The following EYS variants were observed in gnomAD, a reference collection of about 807,000 sequenced individuals.
EYS encodes EGF-like photoreceptor maintenance factor.
In EYS, 250 loss-of-function variants were observed where a neutral mutation model predicts 282.1. The ratio of observed to expected loss-of-function variants is 0.89; its 90% CI spans 0.80 to 0.98. The LOEUF (loss-of-function observed/expected upper bound fraction) is 0.98. Among genes scored for constraint, EYS ranks in the 50% least tolerant of loss-of-function variants. EYS has a pLI of 0.00. For missense variants in EYS, 4,016 were observed against 3,709.0 expected (o/e 1.08, Z -2.15); for synonymous variants, 1,355 against 1,282.9 (o/e 1.06, Z -1.20).
At chr6:65,425,190 A>C (rs1767613314) in intron 5 of EYS, among the ~76,000 whole-genome samples, 1 of 152,098 alleles carries the variant, frequency 6.6e-6, no homozygotes, top group South Asian at 2.1e-4. Flanking sequence ...ATTTTTGTAT[A>C]TGAATAATGA....
chr6:64,329,799 G>A (rs1281306976), intron 29 of EYS, among the ~76,000 whole-genome samples: 3 of 152,100 alleles, frequency 2.0e-5, no homozygotes, highest in Non-Finnish European at 4.4e-5. Context: ...GGATTTATGG[G>A]CAGTAAATAA....
chr6:65,288,161 T>C (rs1768422136), intron 12 of EYS, among the ~76,000 whole-genome samples: 1 of 151,060 alleles, frequency 6.6e-6, no homozygotes, highest in Non-Finnish European at 1.5e-5. Context: ...CTATTTCCTG[T>C]TTTTCAGAAT....
rs114376809 is a variant in EYS, at chr6:65,637,992, G to T, written c.-333+1786C>A. On this transcript the variant is annotated intron_variant, in intron 2 of 42. Transcript: ENST00000503581. Reference sequence around the variant, plus strand: ...TCAAGGCAGGGATGGCCTGAAGCCTGGGGGCCGGGTTGTCAGTTCCAGCTG... The same window carrying T: ...TCAAGGCAGGGATGGCCTGAAGCCTTGGGGCCGGGTTGTCAGTTCCAGCTG... 3.2e-3 allele frequency among the ~76,000 whole-genome samples: 481 copies of T among 152,310 alleles called. 4 individuals are homozygous for T. The highest frequency in any genetic ancestry group is 0.011 in the African/African-American group (451 of 41,580).
intron 22 of EYS, among the ~76,000 whole-genome samples, chr6:64,772,771 T>C (rs1459896566): frequency 6.6e-6 from 1 of 151,900 alleles, no homozygotes; most frequent in East Asian, 1.9e-4. Context: ...AAATTTGTCT[T>C]TCTTTGCCTG....
chr6:64,678,751 G>A (rs954830018), intron 22 of EYS, among the ~76,000 whole-genome samples: 24 of 151,914 alleles, frequency 1.6e-4, no homozygotes, highest in African/African-American at 5.1e-4. Context: ...TTGGGAGGCC[G>A]AGGCGGGTGG....
chr6:65,309,669 G>C (rs1026855902), intron 11 of EYS, among the ~76,000 whole-genome samples: 18 of 152,180 alleles, frequency 1.2e-4, no homozygotes, highest in African/African-American at 4.3e-4. Flanking sequence ...TACTTAAAGT[G>C]TGATTATGGG....
At chr6:65,385,143 G>C (rs1765751836) in intron 7 of EYS, among the ~76,000 whole-genome samples, 1 of 151,794 alleles carries the variant, frequency 6.6e-6, no homozygotes, top group African/African-American at 2.4e-5. Context: ...ATCATATTTA[G>C]TAAACTTTCT....
At chr6:64,439,127 A>G (rs1236437940) in intron 27 of EYS, 35 bp downstream of exon 27, 1 of 1,224,028 alleles carries the variant, frequency 8.2e-7, no homozygotes, top group African/African-American at 1.6e-5. Context: ...ACAACTTTGT[A>G]ATTTTTAAAA....
intron 26 of EYS, among the ~76,000 whole-genome samples, chr6:64,548,188 C>T (rs757537325): frequency 6.6e-6 from 1 of 152,126 alleles, no homozygotes; most frequent in East Asian, 1.9e-4. Flanking sequence ...CAAGAGCAAG[C>T]GAGGGCTGCG....
At chr6:65,610,887 A>C (rs1165353695) in intron 2 of EYS, among the ~76,000 whole-genome samples, 1 of 152,026 alleles carries the variant, frequency 6.6e-6, no homozygotes, top group Non-Finnish European at 1.5e-5. Flanking sequence ...TAGTCATAGG[A>C]CTCAATAATG....
intron 12 of EYS, among the ~76,000 whole-genome samples, chr6:65,118,655 A>G (rs1561975225): frequency 6.6e-6 from 1 of 152,210 alleles, no homozygotes; most frequent in African/African-American, 2.4e-5. Flanking sequence ...AGTTATGTAT[A>G]GACTGGTTAT....
intron 11 of EYS, chr6:65,332,155 T>G (rs931581312): frequency 4.1e-6 from 2 of 487,490 alleles, no homozygotes; most frequent in African/African-American, 4.0e-5. Context: ...CTTATCAGAT[T>G]GTGGAAGTTC....
chr6:63,723,839 G>A (rs1768509038), intron 42 of EYS, among the ~76,000 whole-genome samples: 1 of 140,616 alleles, frequency 7.1e-6, no homozygotes, highest in African/African-American at 2.7e-5. Context: ...TTATTATTTT[G>A]AGACCAGAGT....
intron 22 of EYS, among the ~76,000 whole-genome samples, chr6:64,779,075 C>G (rs1009752456): frequency 6.6e-6 from 1 of 152,086 alleles, no homozygotes; most frequent in Non-Finnish European, 1.5e-5. Flanking sequence ...CTTTGAAAGA[C>G]AGTTTGGCAG....
chr6:65,536,180 A>G (rs867646142), intron 2 of EYS, among the ~76,000 whole-genome samples: 5 of 152,106 alleles, frequency 3.3e-5, no homozygotes, highest in South Asian at 2.1e-4. Context: ...AGACAAGCAA[A>G]GCATGGTGAT....
intron 13 of EYS, among the ~76,000 whole-genome samples, chr6:65,021,608 C>T (rs1434512940): frequency 6.6e-6 from 1 of 152,188 alleles, no homozygotes; most frequent in African/African-American, 2.4e-5. Flanking sequence ...ACTCTTCCAG[C>T]CTCTGCCTGT....
chr6:64,572,921 T>C (rs955872812), intron 26 of EYS, among the ~76,000 whole-genome samples: 2 of 151,800 alleles, frequency 1.3e-5, no homozygotes, highest in African/African-American at 4.8e-5. Flanking sequence ...GAAAAAAAAC[T>C]ACTTTAAATT....
chr6:64,898,212 T>A (rs1277640929), intron 18 of EYS, among the ~76,000 whole-genome samples: 1 of 152,118 alleles, frequency 6.6e-6, no homozygotes, highest in Non-Finnish European at 1.5e-5. Context: ...AGAGAAAGGT[T>A]GGGTTATCTA....
intron 30 of EYS, among the ~76,000 whole-genome samples, chr6:64,301,232 A>T (rs1361728151): frequency 6.6e-6 from 1 of 152,188 alleles, no homozygotes; most frequent in Non-Finnish European, 1.5e-5. Context: ...GGCGATATTA[A>T]CTGGCTTTGG....
Sources: allele counts gnomAD v4.1 joint callset (sites outside exome capture counted in the v4.1 genomes callset), GRCh38; gene constraint gnomAD v4.1.1; transcripts MANE v1.5; gene names NCBI Gene and HGNC (gene_info 2026-07-23, HGNC 2026-07-21).